Variants in TBC1D16 observed in about 807,000 individuals in gnomAD.
TBC1D16 encodes the protein TBC1 domain family member 16, also known as CTD-2529O21.1.
TBC1D16 carries 58 observed loss-of-function variants against 74.7 expected under a neutral mutation model. The ratio of observed to expected loss-of-function variants is 0.78; its 90% CI spans 0.63 to 0.97. TBC1D16 has a LOEUF of 0.97. Among genes scored for constraint, TBC1D16 ranks in the 50% least tolerant of loss-of-function variants. The pLI, the probability that TBC1D16 is intolerant of heterozygous loss-of-function variation, is 0.00. For missense variants in TBC1D16, 1,014 were observed against 1,079.5 expected (o/e 0.94, Z 0.85); for synonymous variants, 493 against 474.7 (o/e 1.04, Z -0.50).
chr17:80,023,071 G>A (rs940553830), intron 1 of TBC1D16, among the ~76,000 whole-genome samples: 2 of 150,202 alleles, frequency 1.3e-5, no homozygotes, highest in African/African-American at 2.5e-5. Flanking sequence ...TGACAAACAC[G>A]TGTGTGAGAT....
At position 80,009,229 on chromosome 17, in the gene TBC1D16, CT is replaced by C. The variant is rs1290548434; in HGVS notation, c.779+930del. On this transcript the variant is annotated intron_variant, in intron 3 of 11. Coordinates refer to ENST00000310924, the MANE Select transcript of TBC1D16 (RefSeq NM_019020.4). This position sits in a 1 kb window ranked among gnomAD's most constrained non-coding sequence, Gnocchi z 5.4. ...TGACCTGCTCGCTGACTGATGTCGGCTCTTACTGTTGTCTGTGGTCACCACC... is the reference window on the plus strand; with the variant it reads ...TGACCTGCTCGCTGACTGATGTCGGCCTTACTGTTGTCTGTGGTCACCACC... 6.6e-6 allele frequency among the ~76,000 whole-genome samples: 1 copy of C among 152,248 alleles called. No individual in the cohort carries two copies. The highest frequency in any genetic ancestry group is 6.5e-5 in the Admixed American group (1 of 15,292).
chr17:79,947,093 C>T (rs1213805182), intron 9 of TBC1D16, among the ~76,000 whole-genome samples: 1 of 152,216 alleles, frequency 6.6e-6, no homozygotes, highest in Non-Finnish European at 1.5e-5. Flanking sequence ...GCCCCACCAC[C>T]GACATTCAGT....
intron 3 of TBC1D16, among the ~76,000 whole-genome samples, chr17:79,991,496 T>C (rs901011297): frequency 3.3e-5 from 5 of 152,072 alleles, no homozygotes; most frequent in African/African-American, 1.2e-4. Context: ...AGGAGTGGCG[T>C]CTGGCTGACC....
rs1367886913 is a variant in TBC1D16, at chr17:80,007,400, G to A, written c.779+2760C>T. 1.3e-5 allele frequency among the ~76,000 whole-genome samples: 2 copies of A among 152,266 alleles called. No individual in the cohort carries two copies. Among genetic ancestry groups the A allele is most frequent in the Admixed American group, 6.5e-5 (1 of 15,286 alleles). ...CCCGTGAGGCATCTGCGTTTTGGATGTGGGAGGTAATGGCCACAAGATCAC... is the reference window on the plus strand; with the variant it reads ...CCCGTGAGGCATCTGCGTTTTGGATATGGGAGGTAATGGCCACAAGATCAC... On this transcript the variant is annotated intron_variant, in intron 3 of 11. Coordinates refer to ENST00000310924, the MANE Select transcript of TBC1D16 (RefSeq NM_019020.4). The surrounding 1 kb of genome is among the most constrained non-coding windows in gnomAD (Gnocchi z 4.5).
Position 79,950,798 on chromosome 17 carries a change from C to A in TBC1D16, c.1090-220G>T. The A allele has an allele frequency of 6.5e-7, 1 of 1,536,070 alleles. No homozygotes were observed. The highest frequency in any genetic ancestry group is 8.7e-7 in the Non-Finnish European group (1 of 1,146,856). On this transcript the variant is annotated intron_variant, in intron 5 of 11. Coordinates refer to ENST00000310924, the MANE Select transcript of TBC1D16 (RefSeq NM_019020.4). This position sits in a 1 kb window ranked among gnomAD's most constrained non-coding sequence, Gnocchi z 4.6. ...TTTCCCTCTGCGGCTCTCTCCTCCC[C>A]GGCCCACTGTGCCGCCGCCCCCCAC... is the stretch of plus-strand genomic sequence containing the variant.
intron 10 of TBC1D16, chr17:79,943,776 G>C (rs1293662031): frequency 2.0e-5 from 24 of 1,215,532 alleles, no homozygotes; most frequent in Non-Finnish European, 2.4e-5. Flanking sequence ...CCATGGGAAA[G>C]GGACCCATCT....
chr17:79,970,703 G>A (rs2034052090), intron 3 of TBC1D16, among the ~76,000 whole-genome samples: 1 of 152,172 alleles, frequency 6.6e-6, no homozygotes. Flanking sequence ...GCTGGGCACG[G>A]CCACTCTAGA....
intron 1 of TBC1D16, chr17:80,024,107 G>GGGCCAGACGGTCCTGCCCGGCC (rs1568647477): frequency 6.7e-6 from 1 of 148,800 alleles, no homozygotes; most frequent in Non-Finnish European, 1.5e-5. Context: ...GCGACAAAGC[G>GGGCCAGACGGTCCTGCCCGGCC]CAGCTCCGGG....
intron 1 of TBC1D16, among the ~76,000 whole-genome samples, chr17:80,021,417 A>G (rs2036278287): frequency 6.7e-6 from 1 of 149,636 alleles, no homozygotes; most frequent in South Asian, 2.1e-4. Context: ...CCATGATTGC[A>G]CCACTGCACC....
Position 79,947,690 on chromosome 17 carries a change from C to T in TBC1D16, c.1683G>A (p.Thr561=), listed in dbSNP as rs1292339066. Residue 561 remains threonine, a synonymous_variant, in exon 9 of 12, where the codon ACG becomes ACA. Coordinates refer to ENST00000310924, the MANE Select transcript of TBC1D16 (RefSeq NM_019020.4). ...FWCFVGLMQN[T]IFVSSPRDED... ...CGTCCCGGGGTGAGCTGACGAAGAT[C>T]GTGTTCTGCATCAAACCCACAAAGC... is the stretch of plus-strand genomic sequence containing the variant. The T allele has an allele frequency of 3.7e-6, 6 of 1,614,022 alleles. No homozygotes were observed. The highest frequency in any genetic ancestry group is 1.1e-5 in the South Asian group (1 of 91,086).
chr17:80,025,232 T>G (rs2036534700), intron 1 of TBC1D16, among the ~76,000 whole-genome samples: 1 of 149,930 alleles, frequency 6.7e-6, no homozygotes, highest in Admixed American at 6.6e-5. Context: ...AGCCACCCTC[T>G]GCTCTACCAG....
intron 3 of TBC1D16, among the ~76,000 whole-genome samples, chr17:79,989,220 C>T (rs1386811532): frequency 3.3e-5 from 5 of 152,156 alleles, no homozygotes; most frequent in Admixed American, 3.3e-4. Flanking sequence ...ACAAAATTGG[C>T]CAGCGCAGGA....
At position 79,947,710 on chromosome 17, in the gene TBC1D16, C is replaced by A; in HGVS notation, c.1663G>T (p.Val555Leu). 1 of 1,614,156 alleles carries A rather than the reference C, an allele frequency of 6.2e-7. No individual in the cohort carries two copies. The highest frequency in any genetic ancestry group is 8.5e-7 in the Non-Finnish European group (1 of 1,180,044). Residue 555 changes from valine to leucine, a missense_variant, in exon 9 of 12, where the codon GTG becomes TTG. Transcript: ENST00000310924. ...LDESDTFWCF[V>L]GLMQNTIFVS... is the part of the protein sequence containing the mutation. ...AAGATCGTGTTCTGCATCAAACCCA[C>A]AAAGCACCAGAAGGTGTCTGACTCA...
rs1211183068 is a variant in TBC1D16, at chr17:79,933,136, C to T, written c.*7723G>A. 2.6e-5 allele frequency: 4 copies of T among 152,246 alleles called. No homozygotes were observed. Among genetic ancestry groups the T allele is most frequent in the African/African-American group, 7.2e-5 (3 of 41,434 alleles). The allele number at this position is 152,246 out of a possible 1,614,324, so 9.4% of individuals were successfully genotyped here. A position where few individuals can be genotyped will look rare whatever the true frequency, so the allele number is the denominator to read the frequency against. On this transcript the variant is annotated 3_prime_UTR_variant, in exon 12 of 12. Transcript: ENST00000310924. ...TTCCGAAGCATCAGAATGTCAAAAT[C>T]TAAGTTTTCCACGAGGTCAGCAGCA...
At chr17:80,024,931 C>CACACACACCACACACACCATAG in intron 1 of TBC1D16, among the ~76,000 whole-genome samples, 1 of 145,698 alleles carries the variant, frequency 6.9e-6, no homozygotes, top group South Asian at 2.2e-4. Flanking sequence ...ACCATAGACA[C>CACACACACCACACACACCATAG]ACACACCACA....
In TBC1D16 at chr17:79,936,909, C is replaced by CGCGTGTGTGTGTGTGT. The variant is rs141710660; in HGVS notation, c.*3949_*3950insACACACACACACACGC. ...GTGCATGCGTGCGTGTGTGCATGTG[C>CGCGTGTGTGTGTGTGT]GTGTGTGTGTGTGTGTGTGTGTGTG... On this transcript the variant is annotated 3_prime_UTR_variant, in exon 12 of 12. Coordinates refer to ENST00000310924, the MANE Select transcript of TBC1D16 (RefSeq NM_019020.4). 9.8e-5 allele frequency: 12 copies of CGCGTGTGTGTGTGTGT among 122,200 alleles called. No homozygotes were observed. Among genetic ancestry groups the CGCGTGTGTGTGTGTGT allele is most frequent in the African/African-American group, 3.2e-4 (12 of 37,274 alleles). The allele number at this position is 122,200 out of a possible 1,614,324, so 7.6% of individuals were successfully genotyped here.
chr17:80,010,099 T>C lies in TBC1D16; in HGVS notation c.779+61A>G. On this transcript the variant is annotated intron_variant, in intron 3 of 11. Transcript: ENST00000310924. The surrounding 1 kb of genome is among the most constrained non-coding windows in gnomAD (Gnocchi z 8.8). ...ATCACAGGTGACGCAGGTGAGTGCT[T>C]CCTGCCCAGGTCAGGCCTTGGGGGC... is the stretch of plus-strand genomic sequence containing the variant. 5.7e-6 allele frequency: 8 copies of C among 1,396,606 alleles called. No homozygotes were observed. Among genetic ancestry groups the C allele is most frequent in the Non-Finnish European group, 7.8e-6 (8 of 1,024,692 alleles). 86.5% of individuals were successfully genotyped at this position (1,396,606 alleles called of 1,614,324 possible).
At chr17:80,027,063 A>G (rs377058417) in intron 1 of TBC1D16, among the ~76,000 whole-genome samples, 3 of 152,196 alleles carry the variant, frequency 2.0e-5, no homozygotes, top group Admixed American at 6.5e-5. Context: ...TATAGGAAGG[A>G]CTCAGAGTTC....
At position 80,010,995 on chromosome 17, in the gene TBC1D16, G is replaced by A. The variant is rs528339432; in HGVS notation, c.182-238C>T. Among the ~76,000 whole-genome samples, 1 of 152,136 alleles carries A rather than the reference G, an allele frequency of 6.6e-6. No homozygotes were observed. The highest frequency in any genetic ancestry group is 2.4e-5 in the African/African-American group (1 of 41,430). On this transcript the variant is annotated intron_variant, in intron 2 of 11. Coordinates refer to ENST00000310924, the MANE Select transcript of TBC1D16 (RefSeq NM_019020.4). The surrounding 1 kb of genome is among the most constrained non-coding windows in gnomAD (Gnocchi z 8.8). ...CTTCCGGCAGATCCAGGGGGCACTGGTCCCCAAGCACCGGCCTGCCATGCG... is the reference window on the plus strand; with the variant it reads ...CTTCCGGCAGATCCAGGGGGCACTGATCCCCAAGCACCGGCCTGCCATGCG...
Sources: allele counts gnomAD v4.1 joint callset (sites outside exome capture counted in the v4.1 genomes callset), GRCh38; gene constraint gnomAD v4.1.1; non-coding constraint Gnocchi (gnomAD v3.1); transcripts MANE v1.5; gene names NCBI Gene and HGNC (gene_info 2026-07-23, HGNC 2026-07-21).